FER: variants seen among roughly 807,000 people sequenced by gnomAD.
FER encodes FER tyrosine kinase.
FER carries 63 observed loss-of-function variants against 111.0 expected under a neutral mutation model. The observed-to-expected ratio is 0.57, with a 90% CI of 0.46 to 0.70. The LOEUF (loss-of-function observed/expected upper bound fraction) is 0.70, where lower values mean the gene tolerates loss of function less well. Among genes scored for constraint, FER ranks in the 30% least tolerant of loss-of-function variants. FER has a pLI of 0.00. For missense variants in FER, 914 were observed against 954.0 expected (o/e 0.96, Z 0.55); for synonymous variants, 327 against 313.9 (o/e 1.04, Z -0.44).
intron 17 of FER, among the ~76,000 whole-genome samples, chr5:109,143,767 T>A (rs1477849727): frequency 6.6e-6 from 1 of 151,642 alleles, no homozygotes; most frequent in South Asian, 2.1e-4. Flanking sequence ...TTCGAACTCC[T>A]AGGCTCAAGC....
At chr5:108,861,674 C>T (rs115937365) in intron 5 of FER, among the ~76,000 whole-genome samples, 2,085 of 152,136 alleles carry the variant, frequency 0.014, 42 homozygotes, top group African/African-American at 0.048. Context: ...ATTTTAAGAG[C>T]ATATGCATTT....
At chr5:108,979,983 C>A (rs1033489631) in intron 13 of FER, among the ~76,000 whole-genome samples, 7 of 151,954 alleles carry the variant, frequency 4.6e-5, no homozygotes, top group African/African-American at 2.4e-5. Context: ...CAAAAAGATA[C>A]CAGGTAATTA....
chr5:109,179,858 C>T (rs1441691760), intron 17 of FER, among the ~76,000 whole-genome samples: 2 of 151,894 alleles, frequency 1.3e-5, no homozygotes, highest in Non-Finnish European at 2.9e-5. Context: ...ATCATGGATC[C>T]CAAGGGATGG....
intron 1 of FER, among the ~76,000 whole-genome samples, chr5:108,762,549 T>C (rs1751876923): frequency 6.6e-6 from 1 of 152,202 alleles, no homozygotes; most frequent in African/African-American, 2.4e-5. Flanking sequence ...GCTCAGAATC[T>C]TTCAGGGGTT....
chr5:109,170,193 CTTATAGAAAATA>C lies in FER; in HGVS notation c.2049-10553_2049-10542del, dbSNP rs1484323009. 1.2e-3 allele frequency among the ~76,000 whole-genome samples: 185 copies of C among 152,026 alleles called. 1 individual carries two copies. The highest frequency in any genetic ancestry group is 4.2e-3 in the African/African-American group (173 of 41,482). ...GATTATGGAGGAATTGTTATATGCC[CTTATAGAAAATA>C]GAATAGAAAAAAATGCATATTTTAG... On this transcript the variant is annotated intron_variant, in intron 17 of 19. Coordinates refer to ENST00000281092, the MANE Select transcript of FER (RefSeq NM_005246.4).
chr5:109,167,462 C>T (rs769550918), intron 17 of FER, among the ~76,000 whole-genome samples: 1 of 152,010 alleles, frequency 6.6e-6, no homozygotes, highest in Admixed American at 6.6e-5. Context: ...GATCAAATAA[C>T]CAGAAATGAT....
intron 16 of FER, among the ~76,000 whole-genome samples, chr5:109,051,008 T>C (rs1772717097): frequency 6.6e-6 from 1 of 152,196 alleles, no homozygotes; most frequent in Admixed American, 6.5e-5. Flanking sequence ...TAGGGGTGTT[T>C]GCTGGGAGAA....
chr5:109,069,983 T>C (rs1775576368), intron 16 of FER, among the ~76,000 whole-genome samples: 1 of 152,130 alleles, frequency 6.6e-6, no homozygotes, highest in South Asian at 2.1e-4. Context: ...AATTCTAAGA[T>C]TGTACTTTTA....
At chr5:108,880,046 CTT>C (rs1765534844) in intron 8 of FER, among the ~76,000 whole-genome samples, 1 of 151,970 alleles carries the variant, frequency 6.6e-6, no homozygotes, top group Non-Finnish European at 1.5e-5. Context: ...ATTCATTTGT[CTT>C]TTCTTCTTTG....
chr5:108,924,141 G>A (rs1001486874), intron 10 of FER, among the ~76,000 whole-genome samples: 9 of 151,972 alleles, frequency 5.9e-5, no homozygotes, highest in Non-Finnish European at 1.0e-4. Flanking sequence ...CGGATCACCT[G>A]AGGTCAGGAG....
intron 2 of FER, among the ~76,000 whole-genome samples, chr5:108,783,729 CA>C (rs1412586953): frequency 2.6e-5 from 4 of 152,066 alleles, no homozygotes; most frequent in African/African-American, 7.2e-5. Context: ...CTAGGGCTCC[CA>C]CTGGTCTCTG....
Position 108,782,282 on chromosome 5 carries a change from C to T in FER, c.-60+14044C>T, listed in dbSNP as rs114861365. On this transcript the variant is annotated intron_variant, in intron 2 of 19. Coordinates refer to ENST00000281092, the MANE Select transcript of FER (RefSeq NM_005246.4). ...GTTGGTAGGATGGCCTAGTGACTTC[C>T]AAGTATTTTTTTTTTTTTTAAGAGA... 3.1e-3 allele frequency among the ~76,000 whole-genome samples: 438 copies of T among 142,900 alleles called. 1 individual carries two copies. Among genetic ancestry groups the T allele is most frequent in the African/African-American group, 0.011 (419 of 37,080 alleles). The allele number at this position is 142,900 out of a possible 152,430, so 93.7% of individuals were successfully genotyped here. A position where few individuals can be genotyped will look rare whatever the true frequency, so the allele number is the denominator to read the frequency against.
intron 10 of FER, among the ~76,000 whole-genome samples, chr5:108,911,738 T>C (rs1201325073): frequency 6.6e-6 from 1 of 152,172 alleles, no homozygotes; most frequent in Non-Finnish European, 1.5e-5. Context: ...CCTCACTGTT[T>C]ATTTTTGTGA....
intron 17 of FER, among the ~76,000 whole-genome samples, chr5:109,159,026 ATATAG>A (rs1755711352): frequency 6.6e-6 from 1 of 152,174 alleles, no homozygotes; most frequent in Non-Finnish European, 1.5e-5. Context: ...AAGGGATATA[ATATAG>A]TATGTTTAAT....
chr5:109,044,736 T>C lies in FER; in HGVS notation c.1770T>C (p.Val590=), dbSNP rs1771704564. ...TAAAGGATAAAACTTCTGTTGCTGTTAAAACATGTAAAGAAGATCTTCCTC... is the reference window on the plus strand; with the variant it reads ...TAAAGGATAAAACTTCTGTTGCTGTCAAAACATGTAAAGAAGATCTTCCTC... The part of the protein sequence containing the change: ...GTLKDKTSVA[V]KTCKEDLPQE... The change falls in exon 15 of 20, where the codon GTT becomes GTC. Residue 590 remains valine, a synonymous_variant. Coordinates refer to ENST00000281092, the MANE Select transcript of FER (RefSeq NM_005246.4). 1 of 1,592,074 alleles carries C rather than the reference T, an allele frequency of 6.3e-7. No homozygotes were observed. The highest frequency in any genetic ancestry group is 1.2e-5 in the South Asian group (1 of 85,836).
At chr5:108,952,666 T>C (rs1392354413) in intron 11 of FER, among the ~76,000 whole-genome samples, 2 of 152,122 alleles carry the variant, frequency 1.3e-5, no homozygotes, top group Non-Finnish European at 2.9e-5. Context: ...CTATTTAGTT[T>C]TTTAAAAACA....
At chr5:108,794,534 C>T (rs920759429) in intron 2 of FER, among the ~76,000 whole-genome samples, 5 of 124,182 alleles carry the variant, frequency 4.0e-5, no homozygotes, top group Non-Finnish European at 9.2e-5. Flanking sequence ...GCACCCCCCC[C>T]CCTCCCCGCA....
At chr5:109,135,744 C>T (rs1186337755) in intron 17 of FER, among the ~76,000 whole-genome samples, 1 of 152,138 alleles carries the variant, frequency 6.6e-6, no homozygotes, top group Admixed American at 6.6e-5. Context: ...TGATTCCTTA[C>T]CCTTTGACCT....
intron 17 of FER, among the ~76,000 whole-genome samples, chr5:109,104,886 G>T (rs185787124): frequency 4.1e-4 from 62 of 152,066 alleles, no homozygotes; most frequent in Non-Finnish European, 7.2e-4. Flanking sequence ...GGGACTACAG[G>T]TGCCCGCCAC....
Sources: gnomAD v4.1 joint callset for allele counts (sites outside exome capture counted in the v4.1 genomes callset) on GRCh38, gnomAD v4.1.1 for gene constraint, MANE v1.5 for transcripts, NCBI Gene and HGNC (gene_info 2026-07-23, HGNC 2026-07-21) for gene names.